Variants in LSR observed in about 807,000 individuals in gnomAD.
LSR encodes lipolysis stimulated lipoprotein receptor.
A neutral mutation model predicts 61.8 loss-of-function variants in LSR; 44 were observed. That is an observed-to-expected ratio of 0.71 (90% CI 0.56 to 0.91). The LOEUF (loss-of-function observed/expected upper bound fraction) is 0.91. Among genes scored for constraint, LSR ranks in the 40% least tolerant of loss-of-function variants. The pLI is 0.00. For synonymous variants in LSR, 397 were observed against 350.6 expected (o/e 1.13, Z -1.48); for missense variants, 911 against 830.5 (o/e 1.10, Z -1.19).
chr19:35,260,867 A>T (rs974007340), intron 3 of LSR, among the ~76,000 whole-genome samples: 1 of 152,036 alleles, frequency 6.6e-6, no homozygotes, highest in African/African-American at 2.4e-5. Context: ...CATATAGTCC[A>T]TTAGGCATCA....
chr19:35,262,125 G>C (rs1216875542), intron 4 of LSR, 144 bp downstream of exon 4: 2 of 771,044 alleles, frequency 2.6e-6, no homozygotes, highest in African/African-American at 3.6e-5. Flanking sequence ...TGGCTCTGAG[G>C]CATCTAGTGG....
chr19:35,258,074 C>T (rs2065877454), intron 2 of LSR, among the ~76,000 whole-genome samples: 1 of 152,118 alleles, frequency 6.6e-6, no homozygotes, highest in Non-Finnish European at 1.5e-5. Flanking sequence ...CTACACTAGG[C>T]CCTGTGGGTG....
chr19:35,267,382 G>C lies in LSR; in HGVS notation c.1418G>C (p.Arg473Pro), dbSNP rs751043266. ...CCCACGAGTAATGGTGGGAGAAGCC[G>C]GGCCTACATGCCCCCGCGGAGCCGC... is the stretch of plus-strand genomic sequence containing the variant. ...RSPTSNGGRS[R>P]AYMPPRSRSR... Residue 473 changes from arginine to proline, a missense_variant, in exon 9 of 10, where the codon CGG (arginine) becomes CCG (proline). Arg to Pro is a moderately radical substitution (Grantham distance 103, BLOSUM62 -2). Coordinates refer to ENST00000605618, the MANE Select transcript of LSR (RefSeq NM_205834.4). The C allele has an allele frequency of 1.2e-6, 2 of 1,602,372 alleles. No individual in the cohort carries two copies. The highest frequency in any genetic ancestry group is 1.7e-6 in the Non-Finnish European group (2 of 1,175,274).
In LSR at chr19:35,250,621, G is replaced by A; in HGVS notation, c.416G>A (p.Gly139Glu). The A allele has an allele frequency of 1.3e-6, 2 of 1,590,394 alleles. No homozygotes were observed. The highest frequency in any genetic ancestry group is 1.7e-6 in the Non-Finnish European group (2 of 1,163,154). The change falls in exon 2 of 10, where the codon GGA becomes GAA. Residue 139 changes from glycine to glutamate, a missense_variant. By Grantham distance (98) the Gly-to-Glu change is moderately conservative. Transcript: ENST00000605618. The part of the protein sequence containing the change: ...ATKQGNAVTL[G>E]DYYQGRRITI... ...AAGCAGGGCAACGCTGTGACCCTGG[G>A]AGATTACTACCAGGGCCGGAGGATT... is the stretch of plus-strand genomic sequence containing the variant.
chr19:35,257,863 C>G (rs2065875170), intron 2 of LSR, among the ~76,000 whole-genome samples: 1 of 152,150 alleles, frequency 6.6e-6, no homozygotes, highest in South Asian at 2.1e-4. Flanking sequence ...AGGCTCCTTG[C>G]CTGCAGCTGC....
At chr19:35,263,280 C>CAA (rs529359103) in intron 5 of LSR, among the ~76,000 whole-genome samples, 8 of 116,678 alleles carry the variant, frequency 6.9e-5, no homozygotes. Flanking sequence ...GACTCTGTCT[C>CAA]AAAAAAAAAA....
At chr19:35,253,046 G>A (rs2065814417) in intron 2 of LSR, among the ~76,000 whole-genome samples, 1 of 151,666 alleles carries the variant, frequency 6.6e-6, no homozygotes, top group Non-Finnish European at 1.5e-5. Context: ...TAGGCTGGGC[G>A]CAGTGGCTCA....
chr19:35,261,192 G>GA (rs1733799316), intron 3 of LSR, among the ~76,000 whole-genome samples: 1 of 152,192 alleles, frequency 6.6e-6, no homozygotes, highest in Non-Finnish European at 1.5e-5. Context: ...TGAGATGCGT[G>GA]AATGTGACAG....
chr19:35,261,882 C>T (rs1258332793), intron 3 of LSR, 43 bp from the exon 4 acceptor site: 4 of 1,365,770 alleles, frequency 2.9e-6, no homozygotes, highest in Admixed American at 3.0e-5. Context: ...ACAGCCTGGG[C>T]TGGCTCTGGC....
chr19:35,267,086 A>T (rs751721005), intron 8 of LSR, 23 bp from the exon 9 acceptor site: 50 of 1,525,182 alleles, frequency 3.3e-5, no homozygotes, highest in Non-Finnish European at 4.1e-5. Context: ...TCCAGCAGTC[A>T]GTGACACCCC....
chr19:35,257,687 G>A (rs75388480), intron 2 of LSR, among the ~76,000 whole-genome samples: 7,161 of 152,266 alleles, frequency 0.047, 271 homozygotes, highest in Non-Finnish European at 0.068. Flanking sequence ...TTTCCTGCCC[G>A]AGATGCCCAA....
intron 5 of LSR, among the ~76,000 whole-genome samples, chr19:35,265,471 T>C (rs1029855220): frequency 6.6e-6 from 1 of 152,232 alleles, no homozygotes; most frequent in African/African-American, 2.4e-5. Flanking sequence ...CCTGAGCTAA[T>C]GAAGGGGCTT....
At chr19:35,265,892 A>G (rs2065990949) in intron 5 of LSR, among the ~76,000 whole-genome samples, 2 of 152,062 alleles carry the variant, frequency 1.3e-5, no homozygotes, top group African/African-American at 4.8e-5. Flanking sequence ...AGGATACTTG[A>G]TTTCGGCTTG....
chr19:35,252,477 C>G (rs1405026295), intron 2 of LSR, among the ~76,000 whole-genome samples: 2 of 150,956 alleles, frequency 1.3e-5, no homozygotes, highest in East Asian at 4.0e-4. Flanking sequence ...GGTGAAACCC[C>G]GTCTCTACTA....
chr19:35,250,675 C>T lies in LSR; in HGVS notation c.454+16C>T. ...ATCACCGGAAGTATGTTGGGCAGGG[C>T]AGGGGGATGAGGCTGGGCTTGCCCG... On this transcript the variant is annotated intron_variant, in intron 2 of 9. Coordinates refer to ENST00000605618, the MANE Select transcript of LSR (RefSeq NM_205834.4). 6.5e-7 allele frequency: 1 copy of T among 1,526,906 alleles called. No individual in the cohort carries two copies. The highest frequency in any genetic ancestry group is 8.9e-7 in the Non-Finnish European group (1 of 1,129,746). 94.6% of individuals were successfully genotyped at this position (1,526,906 alleles called of 1,614,324 possible).
chr19:35,255,443 C>T (rs2065844438), intron 2 of LSR, among the ~76,000 whole-genome samples: 1 of 151,674 alleles, frequency 6.6e-6, no homozygotes, highest in South Asian at 2.1e-4. Flanking sequence ...GGGCCCAGCA[C>T]ATAGTAAGAG....
chr19:35,252,620 G>T (rs571332719), intron 2 of LSR, among the ~76,000 whole-genome samples: 5 of 137,768 alleles, frequency 3.6e-5, no homozygotes, highest in Non-Finnish European at 7.6e-5. Context: ...CTGTACTGCA[G>T]TCTGGGCGAC....
chr19:35,267,901 T>C lies in LSR; in HGVS notation c.*42T>C. 2 of 1,604,556 alleles carry C rather than the reference T, an allele frequency of 1.2e-6. No individual in the cohort carries two copies. The highest frequency in any genetic ancestry group is 1.7e-6 in the Non-Finnish European group (2 of 1,172,178). Reference sequence around the variant, plus strand: ...TAGCTTTTGTATTTTTTTTTTTAATTTGAAGGAACACTGATGAAGCCCTGC... The same window carrying C: ...TAGCTTTTGTATTTTTTTTTTTAATCTGAAGGAACACTGATGAAGCCCTGC... On this transcript the variant is annotated 3_prime_UTR_variant, in exon 10 of 10. Transcript: ENST00000605618.
intron 4 of LSR, among the ~76,000 whole-genome samples, 153 bp downstream of exon 4, chr19:35,262,134 G>T (rs2065937986): frequency 6.6e-6 from 1 of 152,178 alleles, no homozygotes; most frequent in African/African-American, 2.4e-5. Flanking sequence ...GGCATCTAGT[G>T]GTCTGGCGCT....
Sources: allele counts gnomAD v4.1 joint callset (sites outside exome capture counted in the v4.1 genomes callset), GRCh38; gene constraint gnomAD v4.1.1; transcripts MANE v1.5; gene names NCBI Gene and HGNC (gene_info 2026-07-23, HGNC 2026-07-21).